Variants in NECTIN4 observed in about 807,000 individuals in gnomAD.
The protein encoded by NECTIN4 is nectin-4.
In NECTIN4, 19 loss-of-function variants were observed where a neutral mutation model predicts 51.7. That is an observed-to-expected ratio of 0.37 (90% CI 0.26 to 0.54). NECTIN4 has a LOEUF of 0.54. NECTIN4 is among the 20% of genes least tolerant of loss of function. The probability of loss-of-function intolerance (pLI) is 0.86; values close to 1 mark genes in which losing one functional copy is unlikely to be tolerated. For missense variants in NECTIN4, 619 were observed against 662.4 expected (o/e 0.93, Z 0.72); for synonymous variants, 283 against 286.9 (o/e 0.99, Z 0.14).
chr1:161,077,967 T>C (rs1653494883), intron 2 of NECTIN4, among the ~76,000 whole-genome samples: 1 of 152,170 alleles, frequency 6.6e-6, no homozygotes, highest in Non-Finnish European at 1.5e-5. Flanking sequence ...AATAAAATAA[T>C]GAAGTAATTA....
chr1:161,082,489 A>C (rs1653732091), intron 1 of NECTIN4, among the ~76,000 whole-genome samples: 1 of 152,024 alleles, frequency 6.6e-6, no homozygotes, highest in East Asian at 1.9e-4. Context: ...ATAGGGATGG[A>C]AGGAGGCAGG....
At chr1:161,076,285 G>A in intron 4 of NECTIN4, 70 bp downstream of exon 4, 2 of 1,571,044 alleles carry the variant, frequency 1.3e-6, no homozygotes, top group African/African-American at 2.7e-5. Context: ...ATTCCATAGT[G>A]GTATATCCTG....
intron 1 of NECTIN4, 115 bp from the exon 2 acceptor site, chr1:161,080,064 G>A (rs1557948333): frequency 1.5e-6 from 2 of 1,291,138 alleles, no homozygotes; most frequent in South Asian, 2.9e-5. Context: ...ATTTGGGCTT[G>A]CAAAGCACAT....
intron 2 of NECTIN4, among the ~76,000 whole-genome samples, chr1:161,078,455 G>A (rs546076699): frequency 6.3e-4 from 96 of 151,630 alleles, no homozygotes; most frequent in Admixed American, 1.9e-3. Flanking sequence ...TTACAGGTGC[G>A]CACCACCACA....
chr1:161,074,504 C>T, intron 5 of NECTIN4, 107 bp downstream of exon 5: 1 of 1,576,538 alleles, frequency 6.3e-7, no homozygotes, highest in Non-Finnish European at 8.7e-7. Flanking sequence ...AGCCCAGCCC[C>T]CTCTGAATAA....
rs1220757678 is a variant in NECTIN4, at chr1:161,072,247, G to A, written c.*414C>T. 15 of 339,314 alleles carry A rather than the reference G, an allele frequency of 4.4e-5. No homozygotes were observed. The Admixed American group carries it at 6.1e-4, about 14-fold the overall frequency. The allele number at this position is 339,314 out of a possible 1,614,324, so 21.0% of individuals were successfully genotyped here. ...GAAAATACCTGCTTTTTCAGGCAGA[G>A]GTCACACACAGCCACATGACACACA... is the stretch of plus-strand genomic sequence containing the variant. On this transcript the variant is annotated 3_prime_UTR_variant, in exon 9 of 9. Coordinates refer to ENST00000368012, the MANE Select transcript of NECTIN4 (RefSeq NM_030916.3).
At chr1:161,073,631 T>C in intron 7 of NECTIN4, 89 bp downstream of exon 7, 1 of 1,150,246 alleles carries the variant, frequency 8.7e-7, no homozygotes, top group Non-Finnish European at 1.3e-6. Context: ...AGCAGAGAGC[T>C]GTGCTCCTGG....
intron 1 of NECTIN4, among the ~76,000 whole-genome samples, chr1:161,083,624 G>C (rs1216160609): frequency 6.6e-6 from 1 of 152,194 alleles, no homozygotes; most frequent in African/African-American, 2.4e-5. Flanking sequence ...CAGGACGCTG[G>C]TCAGGAGCCT....
intron 1 of NECTIN4, chr1:161,086,784 A>C (rs985847201): frequency 1.3e-5 from 2 of 152,194 alleles, no homozygotes; most frequent in African/African-American, 4.8e-5. Flanking sequence ...CAGAGCTCTA[A>C]TGGCCCAGGA....
At position 161,071,946 on chromosome 1, in the gene NECTIN4, A is replaced by G. The variant is rs1653184394; in HGVS notation, c.*715T>C. On this transcript the variant is annotated 3_prime_UTR_variant, in exon 9 of 9. Coordinates refer to ENST00000368012, the MANE Select transcript of NECTIN4 (RefSeq NM_030916.3). Reference sequence around the variant, plus strand: ...GATTCGGAGCAGTATTCCTGCAAGAAGCTCCCGGCGCATGTATATTTACAG... The same window carrying G: ...GATTCGGAGCAGTATTCCTGCAAGAGGCTCCCGGCGCATGTATATTTACAG... 6.6e-6 allele frequency: 1 copy of G among 152,274 alleles called. No homozygotes were observed. The highest frequency in any genetic ancestry group is 1.5e-5 in the Non-Finnish European group (1 of 68,078). 9.4% of individuals were successfully genotyped at this position (152,274 alleles called of 1,614,324 possible).
Position 161,079,577 on chromosome 1 carries a change from G to T in NECTIN4, c.439+13C>A, listed in dbSNP as rs1405912180. The T allele has an allele frequency of 1.2e-6, 2 of 1,602,344 alleles. No individual in the cohort carries two copies. Among genetic ancestry groups the T allele is most frequent in the Admixed American group, 3.3e-5 (2 of 59,800 alleles). On this transcript the variant is annotated intron_variant, in intron 2 of 8. Coordinates refer to ENST00000368012, the MANE Select transcript of NECTIN4 (RefSeq NM_030916.3). Reference sequence around the variant, plus strand: ...CACAGCGGCTCAGACCGTACCCAGAGATCCCCGCTTACCCAGCACTCGGAG... The same window carrying T: ...CACAGCGGCTCAGACCGTACCCAGATATCCCCGCTTACCCAGCACTCGGAG...
chr1:161,085,003 GC>G (rs199734521), intron 1 of NECTIN4: 1,785 of 151,830 alleles, frequency 0.012, 29 homozygotes, highest in South Asian at 0.057. Flanking sequence ...TAGGAGGGAC[GC>G]ACCGAAGCTC....
intron 3 of NECTIN4, 42 bp downstream of exon 3, chr1:161,077,411 A>T (rs1168805971): frequency 5.6e-6 from 9 of 1,611,018 alleles, no homozygotes; most frequent in Non-Finnish European, 6.8e-6. Flanking sequence ...CAATCTGCTG[A>T]GAACCCCTTG....
rs1449946977 is a variant in NECTIN4, at chr1:161,072,590, C to A, written c.*71G>T. 2.3e-6 allele frequency: 3 copies of A among 1,293,576 alleles called. No homozygotes were observed. Among genetic ancestry groups the A allele is most frequent in the African/African-American group, 2.9e-5 (2 of 68,566 alleles). The allele number at this position is 1,293,576 out of a possible 1,614,324, so 80.1% of individuals were successfully genotyped here. ...CAAGAAATGGGGGTGTTTAAGGAGG[C>A]CCCCAAGATGAGCTAAAATCTCCCA... On this transcript the variant is annotated 3_prime_UTR_variant, in exon 9 of 9. Coordinates refer to ENST00000368012, the MANE Select transcript of NECTIN4 (RefSeq NM_030916.3).
At chr1:161,080,055 T>G (rs1653609363) in intron 1 of NECTIN4, 106 bp from the exon 2 acceptor site, 12 of 1,405,402 alleles carry the variant, frequency 8.5e-6, no homozygotes, top group Non-Finnish European at 1.0e-5. Flanking sequence ...TCCTGGAGCA[T>G]TTGGGCTTGC....
Position 161,089,288 on chromosome 1 carries a change from C to A in NECTIN4, c.9G>T (p.Leu3=). MP[L]SLGAEMWGPE... ...GCCCCCACATCTCGGCTCCCAGGGA[C>A]AGGGGCATGGTTGAAAGGCAGACTG... is the stretch of plus-strand genomic sequence containing the variant. The change falls in exon 1 of 9, where the codon CTG becomes CTT. Residue 3 remains leucine, a synonymous_variant. Coordinates refer to ENST00000368012, the MANE Select transcript of NECTIN4 (RefSeq NM_030916.3). This position sits in a 1 kb window ranked among gnomAD's most constrained non-coding sequence, Gnocchi z 4.1. The A allele has an allele frequency of 6.2e-7, 1 of 1,609,884 alleles. No individual in the cohort carries two copies. The highest frequency in any genetic ancestry group is 1.3e-5 in the African/African-American group (1 of 74,922).
Position 161,089,255 on chromosome 1 carries a change from G to A in NECTIN4, c.42C>T (p.Ala14=). The A allele has an allele frequency of 6.2e-7, 1 of 1,612,104 alleles. No homozygotes were observed. Among genetic ancestry groups the A allele is most frequent in the Non-Finnish European group, 8.5e-7 (1 of 1,180,000 alleles). ...SLGAEMWGPE[A]WLLLLLLLAS... is the part of the protein sequence containing the mutation. ...CCAGCAGTAGCAGCAGCAGCAGCCA[G>A]GCCTCAGGCCCCCACATCTCGGCTC... Residue 14 remains alanine (A), a synonymous_variant, in exon 1 of 9, where the codon GCC becomes GCT. Coordinates refer to ENST00000368012, the MANE Select transcript of NECTIN4 (RefSeq NM_030916.3). The surrounding 1 kb of genome is among the most constrained non-coding windows in gnomAD (Gnocchi z 4.1).
At chr1:161,079,530 C>A in intron 2 of NECTIN4, 60 bp downstream of exon 2, 2 of 1,590,284 alleles carry the variant, frequency 1.3e-6, no homozygotes, top group Admixed American at 1.7e-5. Flanking sequence ...CTGCAGTCCC[C>A]ATCTCTGCTT....
At chr1:161,078,953 A>G (rs1212102535) in intron 2 of NECTIN4, among the ~76,000 whole-genome samples, 1 of 152,026 alleles carries the variant, frequency 6.6e-6, no homozygotes, top group Non-Finnish European at 1.5e-5. Flanking sequence ...CGGAGCTTGC[A>G]GTGAGCCGAG....
Sources: gnomAD v4.1 joint callset for allele counts (sites outside exome capture counted in the v4.1 genomes callset) on GRCh38, gnomAD v4.1.1 for gene constraint, Gnocchi (gnomAD v3.1) non-coding constraint, MANE v1.5 for transcripts, NCBI Gene and HGNC (gene_info 2026-07-23, HGNC 2026-07-21) for gene names.